Variants in UBE4B observed in about 807,000 individuals in gnomAD.
UBE4B encodes ubiquitination factor E4B.
UBE4B carries 27 observed loss-of-function variants against 148.1 expected under a neutral mutation model. The ratio of observed to expected loss-of-function variants is 0.18; its 90% CI spans 0.13 to 0.25. The LOEUF is 0.25. Among genes scored for constraint, UBE4B ranks in the 10% least tolerant of loss-of-function variants. UBE4B has a pLI of 1.00. For missense variants in UBE4B, 1,170 were observed against 1,662.4 expected (o/e 0.70, Z 5.15); for synonymous variants, 596 against 619.3 (o/e 0.96, Z 0.56).
chr1:10,057,420 CT>C (rs1359827824), intron 1 of UBE4B, among the ~76,000 whole-genome samples: 5,475 of 132,822 alleles, frequency 0.041, 97 homozygotes, highest in African/African-American at 0.077. Context: ...AGTCTTTTCT[CT>C]TTTTTTTTTT....
intron 25 of UBE4B, among the ~76,000 whole-genome samples, chr1:10,176,412 T>C (rs965188868): frequency 6.6e-6 from 1 of 152,222 alleles, no homozygotes; most frequent in Non-Finnish European, 1.5e-5. Flanking sequence ...TTTTGAGGGA[T>C]GCCAGAATGT....
Position 10,106,145 on chromosome 1 carries a change from C to T in UBE4B, c.810-52C>T. ...TATTTTCTGTTTTAGTTAGTTATCTCAAGTTTTTCTTTGATTTTTCTCTTC... is the reference window on the plus strand; with the variant it reads ...TATTTTCTGTTTTAGTTAGTTATCTTAAGTTTTTCTTTGATTTTTCTCTTC... On this transcript the variant is annotated intron_variant, in intron 6 of 27. Transcript: ENST00000343090. This position sits in a 1 kb window ranked among gnomAD's most constrained non-coding sequence, Gnocchi z 4.2. 6.6e-7 allele frequency: 1 copy of T among 1,515,564 alleles called. No individual in the cohort carries two copies. The highest frequency in any genetic ancestry group is 2.2e-5 in the Admixed American group (1 of 44,828). The allele number at this position is 1,515,564 out of a possible 1,614,324, so 93.9% of individuals were successfully genotyped here.
At chr1:10,171,787 A>C (rs2102032704) in intron 25 of UBE4B, among the ~76,000 whole-genome samples, 1 of 152,298 alleles carries the variant, frequency 6.6e-6, no homozygotes, top group Non-Finnish European at 1.5e-5. Context: ...AGGCTGAGGC[A>C]GGAGAATCGC....
At chr1:10,155,530 G>A (rs540878589) in intron 21 of UBE4B, among the ~76,000 whole-genome samples, 7 of 152,268 alleles carry the variant, frequency 4.6e-5, no homozygotes, top group South Asian at 2.1e-4. Flanking sequence ...CTAAGGGACC[G>A]GTGTGAGGGT....
At chr1:10,127,896 T>TA in intron 11 of UBE4B, among the ~76,000 whole-genome samples, 1 of 152,348 alleles carries the variant, frequency 6.6e-6, no homozygotes, top group Non-Finnish European at 1.5e-5. Flanking sequence ...TTTATCTATT[T>TA]AAAAAATTCA....
At chr1:10,069,213 A>C (rs1644442714) in intron 1 of UBE4B, among the ~76,000 whole-genome samples, 1 of 152,208 alleles carries the variant, frequency 6.6e-6, no homozygotes, top group Non-Finnish European at 1.5e-5. Flanking sequence ...TTTTTCCAAC[A>C]ATAGTGGGTA....
At chr1:10,048,469 C>T (rs559708508) in intron 1 of UBE4B, among the ~76,000 whole-genome samples, 6 of 151,930 alleles carry the variant, frequency 3.9e-5, no homozygotes, top group East Asian at 1.9e-4. Context: ...AGCATAAATG[C>T]GGAAGACAAG....
At chr1:10,076,874 T>G (rs1293254889) in intron 2 of UBE4B, among the ~76,000 whole-genome samples, 1 of 150,528 alleles carries the variant, frequency 6.6e-6, no homozygotes, top group African/African-American at 2.4e-5. Context: ...AGCCTCCCGA[T>G]TAGCTGGGAT....
intron 17 of UBE4B, 68 bp from the exon 18 acceptor site, chr1:10,144,872 G>T: frequency 8.5e-7 from 1 of 1,170,734 alleles, no homozygotes; most frequent in South Asian, 1.4e-5. Context: ...TCAGTGAAAT[G>T]AGCAAGATGA....
rs2295294 is a variant in UBE4B, at chr1:10,130,826, A to T, written c.1911+13A>T. On this transcript the variant is annotated intron_variant, in intron 14 of 27. Coordinates refer to ENST00000343090, the MANE Select transcript of UBE4B (RefSeq NM_001105562.3). ...AGAGCTCGGAAGGGTAAGTGTTCAG[A>T]AAACAAATCCAGAGGAAGTATCAAA... 0.4 allele frequency: 648,774 copies of T among 1,609,586 alleles called. 134,203 individuals carry two copies. Among genetic ancestry groups the T allele is most frequent in the African/African-American group, 0.65 (48,463 of 74,882 alleles).
At chr1:10,051,553 C>G (rs571943308) in intron 1 of UBE4B, among the ~76,000 whole-genome samples, 1 of 152,082 alleles carries the variant, frequency 6.6e-6, no homozygotes, top group South Asian at 2.1e-4. Context: ...CCCATTAGTT[C>G]CAAAAATCTC....
At chr1:10,053,466 A>T (rs1644094548) in intron 1 of UBE4B, among the ~76,000 whole-genome samples, 1 of 135,324 alleles carries the variant, frequency 7.4e-6, no homozygotes, top group South Asian at 2.4e-4. Flanking sequence ...TTTTTATTTA[A>T]TTTTTTTGAG....
intron 25 of UBE4B, among the ~76,000 whole-genome samples, chr1:10,175,543 CG>C (rs1444080624): frequency 5.3e-5 from 8 of 151,794 alleles, no homozygotes. Context: ...CCCAGCTACT[CG>C]GGAGGCTGAG....
intron 23 of UBE4B, among the ~76,000 whole-genome samples, chr1:10,164,936 T>C (rs1273442078): frequency 6.6e-6 from 1 of 152,158 alleles, no homozygotes; most frequent in Non-Finnish European, 1.5e-5. Context: ...GGATCTCTGT[T>C]TCCTGCCATT....
At chr1:10,058,318 G>A (rs967290747) in intron 1 of UBE4B, among the ~76,000 whole-genome samples, 1 of 152,158 alleles carries the variant, frequency 6.6e-6, no homozygotes, top group Non-Finnish European at 1.5e-5. Context: ...AAATGAGATT[G>A]CAGGGTGACC....
intron 1 of UBE4B, among the ~76,000 whole-genome samples, chr1:10,038,905 C>A (rs1643651903): frequency 6.6e-6 from 1 of 151,898 alleles, no homozygotes; most frequent in African/African-American, 2.4e-5. Flanking sequence ...ACTAAAAATA[C>A]AAAAATTTGC....
At chr1:10,054,228 C>T (rs954987908) in intron 1 of UBE4B, among the ~76,000 whole-genome samples, 3 of 152,076 alleles carry the variant, frequency 2.0e-5, no homozygotes, top group African/African-American at 4.8e-5. Flanking sequence ...TGGCTGTTTT[C>T]TAACCAATTG....
chr1:10,063,084 A>G (rs1237373193), intron 1 of UBE4B, among the ~76,000 whole-genome samples: 1 of 151,950 alleles, frequency 6.6e-6, no homozygotes, highest in Non-Finnish European at 1.5e-5. Context: ...CCTGGCCAAC[A>G]TGGTGAAACC....
At chr1:10,045,851 G>A (rs1191091392) in intron 1 of UBE4B, among the ~76,000 whole-genome samples, 1 of 152,224 alleles carries the variant, frequency 6.6e-6, no homozygotes, top group Admixed American at 6.5e-5. Context: ...GAGTATGAAA[G>A]AGTGGAGTCC....
Sources: allele counts gnomAD v4.1 joint callset (sites outside exome capture counted in the v4.1 genomes callset), GRCh38; gene constraint gnomAD v4.1.1; non-coding constraint Gnocchi (gnomAD v3.1); transcripts MANE v1.5; gene names NCBI Gene and HGNC (gene_info 2026-07-23, HGNC 2026-07-21).